Variants in CACHD1 observed in about 807,000 individuals in gnomAD.
CACHD1 encodes cache domain containing 1.
A neutral mutation model predicts 138.7 loss-of-function variants in CACHD1; 71 were observed. The ratio of observed to expected loss-of-function variants is 0.51; its 90% confidence interval spans 0.42 to 0.62. The LOEUF is 0.62. Among genes scored for constraint, CACHD1 ranks in the 20% least tolerant of loss-of-function variants. The pLI is 0.00. For missense variants in CACHD1, 1,389 were observed against 1,625.3 expected, an observed-to-expected ratio of 0.85 and a Z score of 2.50; for synonymous variants, 578 against 591.5, an observed-to-expected ratio of 0.98 and a Z score of 0.33.
Position 64,692,820 on chromosome 1 carries a change from A to G in CACHD1, c.*1259A>G, listed in dbSNP as rs572461072. 1.3e-5 allele frequency: 2 copies of G among 152,706 alleles called. No individual in the cohort carries two copies. Among genetic ancestry groups the G allele is most frequent in the Admixed American group, 6.5e-5 (1 of 15,306 alleles). The allele number at this position is 152,706 out of a possible 1,614,324, so 9.5% of individuals were successfully genotyped here. Reference sequence around the variant, plus strand: ...TAGACTCACATTTTGTGATTCAAATATGTTATAAAGGCATTCTTGCACCAT... The same window carrying G: ...TAGACTCACATTTTGTGATTCAAATGTGTTATAAAGGCATTCTTGCACCAT... On this transcript the variant is annotated 3_prime_UTR_variant, in exon 27 of 27. Transcript: ENST00000651257.
intron 1 of CACHD1, among the ~76,000 whole-genome samples, chr1:64,543,940 C>T (rs1473479515): frequency 7.0e-6 from 1 of 143,218 alleles, no homozygotes; most frequent in Non-Finnish European, 1.5e-5. Flanking sequence ...CGGCCTCGGC[C>T]TCCCAAAGGG....
At chr1:64,629,309 C>A in intron 4 of CACHD1, 46 bp from the exon 5 acceptor site, 3 of 1,603,240 alleles carry the variant, frequency 1.9e-6, no homozygotes, top group Non-Finnish European at 2.6e-6. Context: ...TGCCTGCATG[C>A]ACCTGTGGAT....
chr1:64,508,065 G>A (rs1646390754), intron 1 of CACHD1, among the ~76,000 whole-genome samples: 1 of 152,180 alleles, frequency 6.6e-6, no homozygotes, highest in African/African-American at 2.4e-5. Context: ...AGGTGAGGGG[G>A]CAAAGCAGGC....
At chr1:64,520,261 T>A (rs1054652318) in intron 1 of CACHD1, among the ~76,000 whole-genome samples, 3 of 152,222 alleles carry the variant, frequency 2.0e-5, no homozygotes, top group Non-Finnish European at 4.4e-5. Context: ...TGGCCAATTC[T>A]CATAATTTGA....
intron 1 of CACHD1, among the ~76,000 whole-genome samples, chr1:64,535,766 A>AGG (rs1401148451): frequency 2.0e-4 from 31 of 152,246 alleles, no homozygotes; most frequent in Admixed American, 7.2e-4. Flanking sequence ...CACCTCCCTC[A>AGG]GGGCCACCTC....
intron 1 of CACHD1, among the ~76,000 whole-genome samples, chr1:64,474,581 G>T (rs765936873): frequency 5.3e-5 from 8 of 152,208 alleles, no homozygotes; most frequent in Non-Finnish European, 7.3e-5. Context: ...ACTGAGCATG[G>T]AGCTCTATGC....
At chr1:64,477,484 A>C (rs1646180234) in intron 1 of CACHD1, among the ~76,000 whole-genome samples, 1 of 152,036 alleles carries the variant, frequency 6.6e-6, no homozygotes, top group Non-Finnish European at 1.5e-5. Context: ...ATAAAATAGC[A>C]TATGAATATC....
chr1:64,680,879 G>A (rs1570479233), intron 24 of CACHD1, among the ~76,000 whole-genome samples: 1 of 152,260 alleles, frequency 6.6e-6, no homozygotes, highest in East Asian at 1.9e-4. Context: ...CCGTCATCCA[G>A]TGTTAGCTTA....
At chr1:64,559,662 TAAACAAAC>T (rs57958650) in intron 2 of CACHD1, among the ~76,000 whole-genome samples, 6 of 152,056 alleles carry the variant, frequency 3.9e-5, no homozygotes, top group African/African-American at 1.4e-4. Flanking sequence ...AAAAACAAAA[TAAACAAAC>T]AAACCAAAAA....
rs892699628 is a variant in CACHD1, at chr1:64,470,406, G to T, written c.-339G>T. Among the ~76,000 whole-genome samples, 1 of 151,542 alleles carries T rather than the reference G, an allele frequency of 6.6e-6. No individual in the cohort carries two copies. Among genetic ancestry groups the T allele is most frequent in the Non-Finnish European group, 1.5e-5 (1 of 67,864 alleles). On this transcript the variant is annotated 5_prime_UTR_variant, in exon 1 of 27. Coordinates refer to ENST00000651257, the MANE Select transcript of CACHD1 (RefSeq NM_020925.4). This position sits in a 1 kb window ranked among gnomAD's most constrained non-coding sequence, Gnocchi z 5.2. The stretch of plus-strand genomic sequence containing the variant: ...TCCGACTCCGACTCCGATTCCGACT[G>T]TCAGCCCCGGGGCCCGCGCACCCCG...
chr1:64,639,922 G>T (rs4915993), intron 7 of CACHD1, among the ~76,000 whole-genome samples: 149,404 of 152,268 alleles, frequency 0.98, 73,383 homozygotes, highest in East Asian at 1. Context: ...GCCCAGAGCT[G>T]CTGTCTTCTC....
rs759519023 is a variant in CACHD1, at chr1:64,641,821, T to A, written c.1008T>A (p.Asn336Lys). Reference protein sequence around the residue: ...STNNNTKFQANTDMVIIYLSA... With the variant: ...STNNNTKFQAKTDMVIIYLSA... ...TTCAATTGATGTGTTTTTGTTTAGA[T>A]ACAGACATGGTCATCATTTACCTGT... is the stretch of plus-strand genomic sequence containing the variant. The change falls in exon 8 of 27, where the codon AAT becomes AAA. Residue 336 changes from asparagine (N) to lysine (K), a missense_variant and splice_region_variant. By Grantham distance (94) the Asn-to-Lys change is moderately conservative (BLOSUM62 0). This residue lies in a region of CACHD1 where 1,000 missense variants were observed against 1,114.7 expected (regional missense o/e 0.90). Coordinates refer to ENST00000651257, the MANE Select transcript of CACHD1 (RefSeq NM_020925.4). The A allele has an allele frequency of 2.6e-6, 4 of 1,534,230 alleles. No individual in the cohort carries two copies. Among genetic ancestry groups the A allele is most frequent in the Non-Finnish European group, 3.5e-6 (4 of 1,144,530 alleles).
chr1:64,593,382 GAT>G (rs1241797661), intron 3 of CACHD1, among the ~76,000 whole-genome samples: 5 of 152,104 alleles, frequency 3.3e-5, no homozygotes, highest in Middle Eastern at 3.2e-3. Flanking sequence ...TGGAAAATAT[GAT>G]ATAAAATGTT....
intron 2 of CACHD1, among the ~76,000 whole-genome samples, chr1:64,578,431 T>C (rs1169856693): frequency 2.0e-5 from 3 of 152,210 alleles, no homozygotes; most frequent in Non-Finnish European, 4.4e-5. Flanking sequence ...TTCACCTGCT[T>C]CAATATGTAT....
rs1263974790 is a variant in CACHD1, at chr1:64,632,713, C to T, written c.759C>T (p.Val253=). The change falls in exon 6 of 27, where the codon GTC becomes GTT. Residue 253 remains valine (V), a synonymous_variant. Transcript: ENST00000651257. The stretch of plus-strand genomic sequence containing the variant: ...AGATTGCCAAGGACGCTGCTCAGGT[C>T]ATCCTCAGCGCCATCGATGAACATG... ...QLQIAKDAAQ[V]ILSAIDEHDK... The T allele has an allele frequency of 3.7e-6, 6 of 1,614,052 alleles. No individual in the cohort carries two copies. In the Admixed American group the frequency reaches 6.7e-5, roughly 18 times the overall value.
intron 4 of CACHD1, among the ~76,000 whole-genome samples, chr1:64,621,738 T>C (rs1647922525): frequency 6.6e-6 from 1 of 152,160 alleles, no homozygotes; most frequent in Admixed American, 6.5e-5. Flanking sequence ...ACTGAAAGAA[T>C]TGGCTCTTGA....
intron 2 of CACHD1, among the ~76,000 whole-genome samples, chr1:64,569,548 C>T (rs1251472689): frequency 6.6e-6 from 1 of 152,048 alleles, no homozygotes; most frequent in Non-Finnish European, 1.5e-5. Flanking sequence ...TGCAGGCAGG[C>T]CCAGCTGGAG....
intron 8 of CACHD1, among the ~76,000 whole-genome samples, chr1:64,645,727 T>C (rs1648880294): frequency 6.6e-6 from 1 of 152,124 alleles, no homozygotes; most frequent in East Asian, 1.9e-4. Flanking sequence ...CCCCCGTGCA[T>C]GCTCAGTGAA....
chr1:64,611,747 T>C (rs116544505), intron 4 of CACHD1, among the ~76,000 whole-genome samples: 2,249 of 152,312 alleles, frequency 0.015, 52 homozygotes, highest in African/African-American at 0.052. Context: ...TCCTGTTTTC[T>C]TCAGAGCCCT....
Sources: gnomAD v4.1 joint callset for allele counts (sites outside exome capture counted in the v4.1 genomes callset) on GRCh38, gnomAD v4.1.1 for gene constraint, gnomAD v4.1.1 regional missense constraint, Gnocchi (gnomAD v3.1) non-coding constraint, MANE v1.5 for transcripts, NCBI Gene and HGNC (gene_info 2026-07-23, HGNC 2026-07-21) for gene names.